CRYBG1: variants seen among roughly 807,000 people sequenced by gnomAD.
The protein encoded by CRYBG1 is crystallin beta-gamma domain containing 1.
In CRYBG1, 139 loss-of-function variants were observed where a neutral mutation model predicts 189.2. The observed-to-expected ratio is 0.73, with a 90% CI of 0.64 to 0.85. CRYBG1 has a LOEUF of 0.85. Among genes scored for constraint, CRYBG1 ranks in the 40% least tolerant of loss-of-function variants. The pLI is 0.00. For synonymous variants in CRYBG1, 1,023 were observed against 1,017.1 expected, an observed-to-expected ratio of 1.01 and a Z score of -0.11; for missense variants, 2,611 against 2,675.8, an observed-to-expected ratio of 0.98 and a Z score of 0.53.
At chr6:106,486,044 G>A (rs1772586507) in intron 2 of CRYBG1, among the ~76,000 whole-genome samples, 1 of 152,080 alleles carries the variant, frequency 6.6e-6, no homozygotes, top group Non-Finnish European at 1.5e-5. Flanking sequence ...TGGGGTACAT[G>A]GTTAGGTTAT....
At position 106,521,068 on chromosome 6, in the gene CRYBG1, C is replaced by CTT; in HGVS notation, c.3860_3861insTT (p.Thr1288Ter). The CTT allele has an allele frequency of 1.9e-6, 3 of 1,614,186 alleles. No individual in the cohort carries two copies. The highest frequency in any genetic ancestry group is 1.7e-6 in the Non-Finnish European group (2 of 1,180,042). On this transcript the variant is annotated frameshift_variant, in exon 4 of 22. Coordinates refer to ENST00000633556, the MANE Select transcript of CRYBG1 (RefSeq NM_001371242.2). LOFTEE classifies it high-confidence loss of function. ...TCTCAGTCTTCAGTGTCACAGCCCACGACTGAGGGTGCCCCGCCCTGTGGT... is the reference window on the plus strand; with the variant it reads ...TCTCAGTCTTCAGTGTCACAGCCCACTTGACTGAGGGTGCCCCGCCCTGTGGT...
intron 1 of CRYBG1, among the ~76,000 whole-genome samples, chr6:106,397,893 G>C (rs1770643911): frequency 6.6e-6 from 1 of 152,152 alleles, no homozygotes. Context: ...CAGTATCTCA[G>C]TGTCAATGGA....
intron 1 of CRYBG1, among the ~76,000 whole-genome samples, chr6:106,361,558 G>A (rs1420808824): frequency 1.3e-5 from 2 of 152,190 alleles, no homozygotes; most frequent in Non-Finnish European, 2.9e-5. Context: ...ACGAAGGGAG[G>A]AGGAAGTGGC....
chr6:106,512,071 T>C lies in CRYBG1; in HGVS notation c.954T>C (p.Ser318=), dbSNP rs968755526. The change falls in exon 3 of 22, where the codon AGT becomes AGC. Residue 318 remains serine (S), a synonymous_variant. Transcript: ENST00000633556. ...GCGAGGCCCCTAACGGAGCCCCCAG[T>C]GTGTGTGCCGAAGAAGGCTCCCTGG... is the stretch of plus-strand genomic sequence containing the variant. ...GLGEAPNGAP[S]VCAEEGSLGP... 7.8e-6 allele frequency: 12 copies of C among 1,533,916 alleles called. No homozygotes were observed. The East Asian group carries it at 2.7e-4, about 34-fold the overall frequency.
rs1026558280 is a variant in CRYBG1 at position 106,530,199 on chromosome 6, C to G, written c.4602C>G (p.Asp1534Glu). ...AGGATTACAGAGTTAGTCACATTGA[C>G]TTATTTACTGAACCAGAAGGGTTAG... ...VVQDYRVSHI[D>E]LFTEPEGLGI... Residue 1534 changes from aspartate (D) to glutamate (E), a missense_variant, in exon 8 of 22, where the codon GAC becomes GAG. Transcript: ENST00000633556. 1.2e-5 allele frequency: 20 copies of G among 1,611,966 alleles called. No individual in the cohort carries two copies. Among genetic ancestry groups the G allele is most frequent in the Non-Finnish European group, 1.6e-5 (19 of 1,179,040 alleles).
At chr6:106,455,231 A>G (rs1377915595) in intron 2 of CRYBG1, among the ~76,000 whole-genome samples, 4 of 152,184 alleles carry the variant, frequency 2.6e-5, no homozygotes, top group African/African-American at 9.6e-5. Context: ...AGAGAAAAGC[A>G]TAAGAAAGTG....
chr6:106,522,816 G>C (rs998536273), intron 4 of CRYBG1, among the ~76,000 whole-genome samples: 1 of 152,160 alleles, frequency 6.6e-6, no homozygotes, highest in African/African-American at 2.4e-5. Flanking sequence ...GATGTTGCAA[G>C]CTCTTTCAAA....
intron 2 of CRYBG1, among the ~76,000 whole-genome samples, chr6:106,495,836 A>AC (rs1198991253): frequency 6.0e-5 from 9 of 150,470 alleles, no homozygotes; most frequent in Non-Finnish European, 1.2e-4. Flanking sequence ...AAAAAAAAAA[A>AC]ACAACTTTCC....
chr6:106,383,932 G>C (rs952056947), intron 1 of CRYBG1, among the ~76,000 whole-genome samples: 1 of 152,154 alleles, frequency 6.6e-6, no homozygotes, highest in African/African-American at 2.4e-5. Flanking sequence ...CCTGTGTGTG[G>C]CCAGTCAGCT....
At chr6:106,542,221 G>GA (rs1218890968) in intron 10 of CRYBG1, among the ~76,000 whole-genome samples, 29 of 121,534 alleles carry the variant, frequency 2.4e-4, no homozygotes, top group African/African-American at 3.1e-4. Context: ...CCACATTAGG[G>GA]AAAAAAAAAA....
At chr6:106,373,967 C>T (rs1770096612) in intron 1 of CRYBG1, among the ~76,000 whole-genome samples, 1 of 152,208 alleles carries the variant, frequency 6.6e-6, no homozygotes. Context: ...GATGTTACTA[C>T]TTCTCTCCAA....
chr6:106,374,615 C>T (rs559047489), intron 1 of CRYBG1, among the ~76,000 whole-genome samples: 1 of 152,074 alleles, frequency 6.6e-6, no homozygotes, highest in Non-Finnish European at 1.5e-5. Flanking sequence ...TTAATCCTCA[C>T]AGAGGATGAA....
rs1387399614 is a variant in CRYBG1, at chr6:106,520,231, A to G, written c.3023A>G (p.Glu1008Gly). ...GCAAGTTGTGCTCCCCCACAAGAGG[A>G]AGTACTGGGCAATGAACACTCTCAT... ...SVASCAPPQE[E>G]VLGNEHSHCT... is the part of the protein sequence containing the mutation. Residue 1008 changes from glutamate (E) to glycine (G), a missense_variant, in exon 4 of 22, where the codon GAA becomes GGA. Glu to Gly is a moderately conservative substitution (Grantham distance 98, BLOSUM62 -2). This residue lies in a region of CRYBG1 where 1,622 missense variants were observed against 1,735.0 expected (regional missense o/e 0.93). Transcript: ENST00000633556. The G allele has an allele frequency of 6.2e-7, 1 of 1,614,168 alleles. No individual in the cohort carries two copies. Among genetic ancestry groups the G allele is most frequent in the Admixed American group, 1.7e-5 (1 of 60,028 alleles).
At chr6:106,533,728 T>C (rs1344189060) in intron 8 of CRYBG1, among the ~76,000 whole-genome samples, 2 of 152,098 alleles carry the variant, frequency 1.3e-5, no homozygotes, top group Non-Finnish European at 2.9e-5. Context: ...CGAAAAAGAC[T>C]TGGAGGAGCA....
chr6:106,375,411 AAGTAAG>A (rs1770134635), intron 1 of CRYBG1, among the ~76,000 whole-genome samples: 1 of 137,690 alleles, frequency 7.3e-6, no homozygotes, highest in Admixed American at 7.2e-5. Flanking sequence ...GTAAGTAAGT[AAGTAAG>A]TAAGTAAATA....
chr6:106,537,931 T>G (rs1326444541), intron 8 of CRYBG1, among the ~76,000 whole-genome samples: 6 of 152,150 alleles, frequency 3.9e-5, no homozygotes, highest in Non-Finnish European at 7.3e-5. Context: ...CAGCGGAATC[T>G]TCACAAAAAC....
intron 2 of CRYBG1, among the ~76,000 whole-genome samples, chr6:106,473,601 A>G (rs1050252195): frequency 3.9e-5 from 6 of 152,166 alleles, no homozygotes; most frequent in African/African-American, 7.2e-5. Flanking sequence ...GACATTATAC[A>G]CTATAGAGAG....
intron 1 of CRYBG1, among the ~76,000 whole-genome samples, chr6:106,431,909 T>A (rs1228639634): frequency 6.6e-6 from 1 of 152,134 alleles, no homozygotes; most frequent in Non-Finnish European, 1.5e-5. Context: ...GCAAATGACA[T>A]GATGAATTTG....
intron 9 of CRYBG1, among the ~76,000 whole-genome samples, chr6:106,540,187 C>T (rs1252995770): frequency 1.3e-5 from 2 of 152,112 alleles, no homozygotes; most frequent in African/African-American, 2.4e-5. Flanking sequence ...TTGTTTCTTC[C>T]GCTAGACTGT....
Sources: allele counts gnomAD v4.1 joint callset (sites outside exome capture counted in the v4.1 genomes callset), GRCh38; gene constraint gnomAD v4.1.1; regional missense constraint gnomAD v4.1.1; transcripts MANE v1.5; gene names NCBI Gene and HGNC (gene_info 2026-07-23, HGNC 2026-07-21).